Variants in CABIN1 observed in about 807,000 individuals in gnomAD.
CABIN1 encodes calcineurin-binding protein cabin-1.
CABIN1 carries 133 observed loss-of-function variants against 227.7 expected under a neutral mutation model. The observed-to-expected ratio is 0.58, with a 90% CI of 0.51 to 0.67. CABIN1 has a LOEUF of 0.67. Among genes scored for constraint, CABIN1 ranks in the 30% least tolerant of loss-of-function variants. The pLI, the probability that CABIN1 is intolerant of heterozygous loss-of-function variation, is 0.00. For synonymous variants in CABIN1, 1,086 were observed against 1,155.1 expected (o/e 0.94, Z 1.21); for missense variants, 2,408 against 2,852.5 (o/e 0.84, Z 3.55).
chr22:24,160,825 C>A (rs112463514), intron 29 of CABIN1, among the ~76,000 whole-genome samples: 14 of 152,272 alleles, frequency 9.2e-5, no homozygotes, highest in African/African-American at 3.4e-4. Context: ...AGGCACTTCA[C>A]CCTGCTTCCC....
At chr22:24,063,234 G>A (rs1601858207) in intron 14 of CABIN1, 88 bp downstream of exon 14, 1 of 1,265,948 alleles carries the variant, frequency 7.9e-7, no homozygotes, top group Non-Finnish European at 1.1e-6. Context: ...GTGTGTGTGT[G>A]TATGTGTGTG....
chr22:24,176,055 T>C, intron 34 of CABIN1, 56 bp from the exon 35 acceptor site: 1 of 1,569,798 alleles, frequency 6.4e-7, no homozygotes, highest in Non-Finnish European at 8.7e-7. Context: ...CACAGATGCG[T>C]TGGAGCCTGC....
intron 1 of CABIN1, among the ~76,000 whole-genome samples, chr22:24,014,797 C>T (rs572931492): frequency 3.9e-5 from 6 of 152,226 alleles, no homozygotes; most frequent in African/African-American, 1.4e-4. Flanking sequence ...TCCCATTCAC[C>T]CCTTCTTTTC....
intron 29 of CABIN1, among the ~76,000 whole-genome samples, chr22:24,136,299 T>G (rs1235752274): frequency 6.6e-6 from 1 of 151,288 alleles, no homozygotes; most frequent in Non-Finnish European, 1.5e-5. Flanking sequence ...AGCTACTGCA[T>G]AGTAGTCCCA....
In CABIN1 at chr22:24,176,215, C is replaced by T. The variant is rs747773398; in HGVS notation, c.6145C>T (p.Pro2049Ser). ...GGCCCCCACAAGTTCCCCGGCAGAG[C>T]CACACTGCTGGCCGGCAGAGGCTGC... The part of the protein sequence containing the change: ...KMAPTSSPAE[P>S]HCWPAEAALG... The change falls in exon 35 of 37, where the codon CCA (proline) becomes TCA (serine). Residue 2049 changes from proline to serine, a missense_variant. Coordinates refer to ENST00000263119, the MANE Select transcript of CABIN1 (RefSeq NM_012295.4). 10 of 1,610,468 alleles carry T rather than the reference C, an allele frequency of 6.2e-6. No individual in the cohort carries two copies. The highest frequency in any genetic ancestry group is 3.3e-5 in the South Asian group (3 of 90,596).
Position 24,178,303 on chromosome 22 carries a change from C to A in CABIN1, c.*107C>A. 1.4e-6 allele frequency: 2 copies of A among 1,411,680 alleles called. No individual in the cohort carries two copies. The highest frequency in any genetic ancestry group is 1.9e-6 in the Non-Finnish European group (2 of 1,028,216). The allele number at this position is 1,411,680 out of a possible 1,614,324, so 87.4% of individuals were successfully genotyped here. On this transcript the variant is annotated 3_prime_UTR_variant, in exon 37 of 37. Transcript: ENST00000263119. The stretch of plus-strand genomic sequence containing the variant: ...CAGAGGCCCACATGGATGCCACTCC[C>A]CACACAGCCCCCAGGCCTGCCCAGC...
At position 24,119,519 on chromosome 22, in the gene CABIN1, G is replaced by A; in HGVS notation, c.4453G>A (p.Asp1485Asn). 1 of 1,613,946 alleles carries A rather than the reference G, an allele frequency of 6.2e-7. No individual in the cohort carries two copies. Among genetic ancestry groups the A allele is most frequent in the Non-Finnish European group, 8.5e-7 (1 of 1,180,024 alleles). The change falls in exon 28 of 37, where the codon GAC becomes AAC. Residue 1485 changes from aspartate to asparagine, a missense_variant. Coordinates refer to ENST00000263119, the MANE Select transcript of CABIN1 (RefSeq NM_012295.4). ...CCTGTGGGATGGGAAGAAGAGAGGGGACCTCCCAGGGGAGCCAGTGGCCTT... is the reference window on the plus strand; with the variant it reads ...CCTGTGGGATGGGAAGAAGAGAGGGAACCTCCCAGGGGAGCCAGTGGCCTT... ...PTLWDGKKRGDLPGEPVAFPQ... is the reference protein window; with the variant it reads ...PTLWDGKKRGNLPGEPVAFPQ...
intron 1 of CABIN1, among the ~76,000 whole-genome samples, chr22:24,012,339 G>GA (rs2034881653): frequency 6.6e-6 from 1 of 151,900 alleles, no homozygotes; most frequent in African/African-American, 2.4e-5. Flanking sequence ...TCCCAAATAT[G>GA]AAAAAATGTA....
chr22:24,038,358 C>T lies in CABIN1; in HGVS notation c.107C>T (p.Ala36Val). 1.2e-6 allele frequency: 2 copies of T among 1,613,478 alleles called. No homozygotes were observed. Among genetic ancestry groups the T allele is most frequent in the Admixed American group, 1.7e-5 (1 of 60,028 alleles). The change falls in exon 4 of 37, where the codon GCT (alanine) becomes GTT (valine). Residue 36 changes from alanine to valine, a missense_variant. Ala to Val is a moderately conservative substitution (Grantham distance 64). Transcript: ENST00000263119. The part of the protein sequence containing the change: ...TQTKEAQEAE[A>V]FALYHKALDL... Reference sequence around the variant, plus strand: ...TGTCTTGATTTGCAGGAAGCAGAGGCTTTTGCATTGTACCACAAGGCCCTT... The same window carrying T: ...TGTCTTGATTTGCAGGAAGCAGAGGTTTTTGCATTGTACCACAAGGCCCTT...
Position 24,143,238 on chromosome 22 carries a change from C to T in CABIN1, c.4746+8823C>T, listed in dbSNP as rs958191516. Among the ~76,000 whole-genome samples the T allele has an allele frequency of 4.6e-5, 7 of 152,160 alleles. No homozygotes were observed. In the East Asian group the frequency reaches 1.3e-3, roughly 29 times the overall value. On this transcript the variant is annotated intron_variant, in intron 29 of 36. Coordinates refer to ENST00000263119, the MANE Select transcript of CABIN1 (RefSeq NM_012295.4). ...CCTGGTTCCTACACCGGGATTGGCCCAGCTGTCCTAGACAGGAGTGTTATC... is the reference window on the plus strand; with the variant it reads ...CCTGGTTCCTACACCGGGATTGGCCTAGCTGTCCTAGACAGGAGTGTTATC...
chr22:24,061,448 A>C (rs1315550307), intron 12 of CABIN1, among the ~76,000 whole-genome samples: 2 of 152,214 alleles, frequency 1.3e-5, no homozygotes, highest in African/African-American at 4.8e-5. Flanking sequence ...GCTTCTGCCC[A>C]CCAGGCCATG....
At chr22:24,085,896 C>T (rs1363935780) in intron 22 of CABIN1, among the ~76,000 whole-genome samples, 1 of 152,194 alleles carries the variant, frequency 6.6e-6, no homozygotes, top group Admixed American at 6.5e-5. Context: ...TGTAGGCACA[C>T]TTTCTGGAAG....
intron 18 of CABIN1, among the ~76,000 whole-genome samples, chr22:24,074,748 G>T (rs1388197327): frequency 1.3e-5 from 2 of 152,200 alleles, no homozygotes; most frequent in Non-Finnish European, 2.9e-5. Context: ...AGCAGAATTG[G>T]GCTTTTGAGC....
intron 1 of CABIN1, among the ~76,000 whole-genome samples, chr22:24,018,117 A>G (rs1200487892): frequency 2.0e-5 from 3 of 152,066 alleles, no homozygotes; most frequent in East Asian, 1.9e-4. Context: ...GGCTTCCCAA[A>G]GTGCTGGGAC....
At chr22:24,061,555 A>C (rs73879034) in intron 12 of CABIN1, among the ~76,000 whole-genome samples, 1,778 of 152,360 alleles carry the variant, frequency 0.012, 28 homozygotes, top group African/African-American at 0.041. Context: ...CCCAATGGGC[A>C]AGTGCCTTCT....
At chr22:24,125,765 A>G (rs566976094) in intron 28 of CABIN1, among the ~76,000 whole-genome samples, 1 of 152,216 alleles carries the variant, frequency 6.6e-6, no homozygotes, top group African/African-American at 2.4e-5. Context: ...GCAGCTCCCA[A>G]CCAGCCAGGT....
At chr22:24,030,601 G>C (rs899745249) in intron 1 of CABIN1, among the ~76,000 whole-genome samples, 3 of 152,158 alleles carry the variant, frequency 2.0e-5, no homozygotes, top group Admixed American at 2.0e-4. Flanking sequence ...AAAATAATTA[G>C]GAAGCCTGAA....
intron 17 of CABIN1, among the ~76,000 whole-genome samples, chr22:24,071,823 C>A (rs1461130832): frequency 2.0e-5 from 3 of 152,154 alleles, no homozygotes; most frequent in African/African-American, 4.8e-5. Flanking sequence ...TCCTTGGCTG[C>A]AGCCTTCCTG....
chr22:24,050,756 G>T (rs1713898275), intron 7 of CABIN1, 69 bp from the exon 8 acceptor site: 3 of 1,579,098 alleles, frequency 1.9e-6, no homozygotes, highest in Non-Finnish European at 2.6e-6. Context: ...ATGCATTTTT[G>T]TGTGTAAAAT....
Sources: allele counts gnomAD v4.1 joint callset (sites outside exome capture counted in the v4.1 genomes callset), GRCh38; gene constraint gnomAD v4.1.1; transcripts MANE v1.5; gene names NCBI Gene and HGNC (gene_info 2026-07-23, HGNC 2026-07-21).